Variants in MAST2 observed in about 807,000 individuals in gnomAD.
MAST2 encodes the protein microtubule associated serine/threonine kinase 2.
In MAST2, 70 loss-of-function variants were observed where a neutral mutation model predicts 147.4. That is an observed-to-expected ratio of 0.47 (90% CI 0.39 to 0.58). The LOEUF (loss-of-function observed/expected upper bound fraction) is 0.58. Among genes scored for constraint, MAST2 ranks in the 20% least tolerant of loss-of-function variants. The pLI is 0.00. For missense variants in MAST2, 2,080 were observed against 2,302.3 expected (o/e 0.90, Z 1.98); for synonymous variants, 869 against 896.8 (o/e 0.97, Z 0.55).
intron 3 of MAST2, among the ~76,000 whole-genome samples, chr1:45,836,403 A>G (rs1475397289): frequency 6.6e-6 from 1 of 152,190 alleles, no homozygotes; most frequent in Non-Finnish European, 1.5e-5. Flanking sequence ...ACAAAACTCC[A>G]AGACTTTTCT....
In MAST2 at chr1:45,933,918, T is replaced by TC. The variant is rs35107335; in HGVS notation, c.501-25464dup. Among the ~76,000 whole-genome samples, 420 of 151,480 alleles carry TC rather than the reference T, an allele frequency of 2.8e-3. 1 individual carries two copies. The highest frequency in any genetic ancestry group is 3.6e-3 in the Non-Finnish European group (246 of 67,860). On this transcript the variant is annotated intron_variant, in intron 4 of 28. Transcript: ENST00000361297. ...GAAAAATTTTAAGTTTTTTTTTTTT[T>TC]CCCCAACTTTAGCTTTAGGGTCAGG...
Position 46,031,583 on chromosome 1 carries a change from C to A in MAST2, c.3185C>A (p.Ser1062Ter). 6.2e-7 allele frequency: 1 copy of A among 1,609,582 alleles called. No homozygotes were observed. Among genetic ancestry groups the A allele is most frequent in the Non-Finnish European group, 8.5e-7 (1 of 1,176,412 alleles). The change falls in exon 24 of 29, where the codon TCG becomes TAG. Residue 1062 changes from serine (S) to a stop codon, truncating the protein, a stop_gained and splice_region_variant. Transcript: ENST00000361297. LOFTEE classifies it high-confidence loss of function. The surrounding 1 kb of genome is among the most constrained non-coding windows in gnomAD (Gnocchi z 4.1). ...SATALSLLIP[S>*]EHHTCSPLAS... is the part of the protein sequence containing the mutation. ...ACAGCCCTCTCACTCCTCATTCCTT[C>A]GGGTGAGGCCCCTGGGGAGCTGGGA... is the stretch of plus-strand genomic sequence containing the variant.
chr1:45,955,420 TA>T (rs1194464467), intron 4 of MAST2, among the ~76,000 whole-genome samples: 1 of 152,172 alleles, frequency 6.6e-6, no homozygotes, highest in African/African-American at 2.4e-5. Context: ...TTAAAAGTTT[TA>T]AAAAATATTT....
At position 45,882,404 on chromosome 1, in the gene MAST2, A is replaced by G. The variant is rs530309670; in HGVS notation, c.500+9A>G. The G allele has an allele frequency of 8.1e-6, 13 of 1,605,966 alleles. No homozygotes were observed. In the South Asian group the frequency reaches 1.2e-4, roughly 15 times the overall value. ...CCAAGAAGAGGCAGCTTGTAAGTAG[A>G]TGATTATTACCATTATGATTATGAT... is the stretch of plus-strand genomic sequence containing the variant. On this transcript the variant is annotated intron_variant, in intron 4 of 28. Transcript: ENST00000361297.
chr1:46,000,982 A>G (rs968689993), intron 6 of MAST2: 58 of 1,289,524 alleles, frequency 4.5e-5, no homozygotes, highest in Non-Finnish European at 5.6e-5. Context: ...GCTGACAGGT[A>G]ATAGCGGGTA....
At chr1:46,017,562 A>T (rs1396070425) in intron 10 of MAST2, among the ~76,000 whole-genome samples, 2 of 152,176 alleles carry the variant, frequency 1.3e-5, no homozygotes, top group African/African-American at 4.8e-5. Flanking sequence ...AAAACACATG[A>T]AAAAATGCTC....
chr1:45,820,420 T>G (rs1644585939), intron 1 of MAST2, among the ~76,000 whole-genome samples: 1 of 152,196 alleles, frequency 6.6e-6, no homozygotes, highest in Non-Finnish European at 1.5e-5. Context: ...CTATGGGGAT[T>G]ACATGTAACA....
intron 4 of MAST2, chr1:45,917,261 A>G (rs567185749): frequency 1.1e-5 from 11 of 1,037,600 alleles, no homozygotes; most frequent in Admixed American, 3.0e-5. Flanking sequence ...GCCTAAACCA[A>G]GCCACTTTGA....
intron 3 of MAST2, among the ~76,000 whole-genome samples, chr1:45,871,856 GAC>G (rs1646406299): frequency 6.6e-6 from 1 of 152,154 alleles, no homozygotes; most frequent in Non-Finnish European, 1.5e-5. Flanking sequence ...TATATCAAGA[GAC>G]ATATAATATT....
At position 45,804,079 on chromosome 1, in the gene MAST2, C is replaced by T; in HGVS notation, c.177+7C>T. ...GCCCGAGGGCAAGGAGCAGGTAGGG[C>T]GGGTTGGGATCCGGGAGGGTGAACC... On this transcript the variant is annotated splice_region_variant and intron_variant, in intron 1 of 28. Coordinates refer to ENST00000361297, the MANE Select transcript of MAST2 (RefSeq NM_015112.3). 5 of 1,134,314 alleles carry T rather than the reference C, an allele frequency of 4.4e-6. No homozygotes were observed. Among genetic ancestry groups the T allele is most frequent in the Admixed American group, 5.2e-5 (1 of 19,140 alleles). The allele number at this position is 1,134,314 out of a possible 1,614,324, so 70.3% of individuals were successfully genotyped here. A position where few individuals can be genotyped will look rare whatever the true frequency, so the allele number is the denominator to read the frequency against.
At chr1:45,842,273 C>T (rs1219699071) in intron 3 of MAST2, among the ~76,000 whole-genome samples, 1 of 152,140 alleles carries the variant, frequency 6.6e-6, no homozygotes, top group Admixed American at 6.5e-5. Flanking sequence ...CAGATGATGA[C>T]AGGTAATCTG....
Position 46,029,474 on chromosome 1 carries a change from G to C in MAST2, c.2227G>C (p.Val743Leu), listed in dbSNP as rs376806114. Residue 743 changes from valine to leucine, a missense_variant, in exon 19 of 29, where the codon GTG becomes CTG. Physicochemically the swap from Val to Leu is conservative, Grantham distance 32 (BLOSUM62 1). Transcript: ENST00000361297. Reference protein sequence around the residue: ...LFGQVISDEIVWPEGDEALPP... With the variant: ...LFGQVISDEILWPEGDEALPP... ...ACCCCTGATGACTTCAGATGAGATT[G>C]TGTGGCCTGAGGGTGATGAGGCACT... The C allele has an allele frequency of 6.2e-7, 1 of 1,613,582 alleles. No individual in the cohort carries two copies. The highest frequency in any genetic ancestry group is 1.7e-5 in the Admixed American group (1 of 59,950).
intron 4 of MAST2, among the ~76,000 whole-genome samples, chr1:45,894,958 T>G (rs1648490538): frequency 6.6e-6 from 1 of 152,224 alleles, no homozygotes; most frequent in Admixed American, 6.5e-5. Context: ...GGGTCCTTCA[T>G]TTTATGAATT....
chr1:45,875,096 A>ATTTAAG (rs1455201163), intron 3 of MAST2, among the ~76,000 whole-genome samples: 1 of 152,216 alleles, frequency 6.6e-6, no homozygotes, highest in Non-Finnish European at 1.5e-5. Flanking sequence ...AGACTACAGA[A>ATTTAAG]AGGATTTTAG....
chr1:45,977,354 G>A (rs1356898224), intron 5 of MAST2, among the ~76,000 whole-genome samples: 1 of 151,990 alleles, frequency 6.6e-6, no homozygotes, highest in Non-Finnish European at 1.5e-5. Flanking sequence ...CAGGCGTGCT[G>A]GCGGGCGCCT....
chr1:45,952,426 A>G (rs1303147178), intron 4 of MAST2, among the ~76,000 whole-genome samples: 1 of 152,220 alleles, frequency 6.6e-6, no homozygotes, highest in Non-Finnish European at 1.5e-5. Context: ...CTTTTTGGCA[A>G]TGAAAATATT....
rs1051200495 is a variant in MAST2, at chr1:46,027,934, G to T, written c.2052+71G>T. On this transcript the variant is annotated intron_variant, in intron 17 of 28. Coordinates refer to ENST00000361297, the MANE Select transcript of MAST2 (RefSeq NM_015112.3). ...TGTCCTGGCGCAGTGTCTTACGCCC[G>T]TAATCCCAACCCTTTGGGAGGCTGA... is the stretch of plus-strand genomic sequence containing the variant. The T allele has an allele frequency of 2.5e-6, 4 of 1,572,616 alleles. No homozygotes were observed. In the South Asian group the frequency reaches 4.7e-5, roughly 18 times the overall value.
chr1:45,959,278 C>T, intron 4 of MAST2, 108 bp from the exon 5 acceptor site: 4 of 743,316 alleles, frequency 5.4e-6, no homozygotes, highest in Admixed American at 2.2e-5. Flanking sequence ...AAGAAGTATA[C>T]TGTGCGGCCC....
intron 4 of MAST2, among the ~76,000 whole-genome samples, chr1:45,906,302 C>G (rs1453606255): frequency 4.6e-5 from 7 of 152,028 alleles, no homozygotes; most frequent in Non-Finnish European, 7.4e-5. Context: ...TCTTGATGAT[C>G]CTGACCCTGT....
Sources: gnomAD v4.1 joint callset for allele counts (sites outside exome capture counted in the v4.1 genomes callset) on GRCh38, gnomAD v4.1.1 for gene constraint, Gnocchi (gnomAD v3.1) non-coding constraint, MANE v1.5 for transcripts, NCBI Gene and HGNC (gene_info 2026-07-23, HGNC 2026-07-21) for gene names.